Variants in CPEB4 observed in about 807,000 individuals in gnomAD.
CPEB4 encodes the protein cytoplasmic polyadenylation element binding protein 4.
Under a neutral mutation model 72.5 loss-of-function variants are expected in CPEB4, and 12 were observed. The ratio of observed to expected loss-of-function variants is 0.17; its 90% CI spans 0.11 to 0.27. The LOEUF (loss-of-function observed/expected upper bound fraction) is 0.27, where lower values mean the gene tolerates loss of function less well. CPEB4 is among the 10% of genes least tolerant of loss of function. The pLI is 1.00. For missense variants in CPEB4, 614 were observed against 908.5 expected (o/e 0.68, Z 4.17); for synonymous variants, 302 against 326.3 (o/e 0.93, Z 0.80).
chr5:173,915,125 A>T (rs1030155680), intron 2 of CPEB4, among the ~76,000 whole-genome samples: 1 of 152,200 alleles, frequency 6.6e-6, no homozygotes, highest in Non-Finnish European at 1.5e-5. Flanking sequence ...TAATGCGGTT[A>T]AAAAACTTTA....
At chr5:173,923,774 G>A (rs1757151057) in intron 2 of CPEB4, among the ~76,000 whole-genome samples, 1 of 151,678 alleles carries the variant, frequency 6.6e-6, no homozygotes, top group Admixed American at 6.6e-5. Flanking sequence ...GTTTTTTAGA[G>A]CTTAAAAAAT....
intron 1 of CPEB4, among the ~76,000 whole-genome samples, chr5:173,898,723 C>T (rs1054638819): frequency 7.5e-4 from 114 of 152,332 alleles, no homozygotes; most frequent in African/African-American, 2.6e-3. Flanking sequence ...GTTGCCCAGA[C>T]TAGAGTGCAG....
rs1334677458 is a variant in CPEB4, at chr5:173,950,405, G to A, written c.1665+327G>A. Among the ~76,000 whole-genome samples, 2 of 152,154 alleles carry A rather than the reference G, an allele frequency of 1.3e-5. No individual in the cohort carries two copies. Among genetic ancestry groups the A allele is most frequent in the African/African-American group, 4.8e-5 (2 of 41,426 alleles). Reference sequence around the variant, plus strand: ...GGATCACATGAGGTCAGGAGTTCGAGACCAGCCTGGCCAACATGGTGAAAT... The same window carrying A: ...GGATCACATGAGGTCAGGAGTTCGAAACCAGCCTGGCCAACATGGTGAAAT... On this transcript the variant is annotated intron_variant, in intron 7 of 9. Coordinates refer to ENST00000265085, the MANE Select transcript of CPEB4 (RefSeq NM_030627.4). This position sits in a 1 kb window ranked among gnomAD's most constrained non-coding sequence, Gnocchi z 5.0.
chr5:173,917,077 C>A (rs1187203246), intron 2 of CPEB4, among the ~76,000 whole-genome samples: 2 of 152,180 alleles, frequency 1.3e-5, no homozygotes, highest in African/African-American at 4.8e-5. Flanking sequence ...CAGATACTGA[C>A]TCTGTGCAGG....
intron 2 of CPEB4, among the ~76,000 whole-genome samples, chr5:173,924,624 A>G (rs1581139475): frequency 6.6e-6 from 1 of 152,280 alleles, no homozygotes; most frequent in Non-Finnish European, 1.5e-5. Context: ...CATTCTGCAA[A>G]CATTATCTCA....
At chr5:173,915,242 A>AT (rs913154738) in intron 2 of CPEB4, among the ~76,000 whole-genome samples, 4 of 151,420 alleles carry the variant, frequency 2.6e-5, no homozygotes, top group East Asian at 3.9e-4. Flanking sequence ...TGGAAAACTT[A>AT]TTTTTTTTTA....
At chr5:173,921,179 ATATTAAGATTTTTTTTTGTTTTTG>A (rs1757059707) in intron 2 of CPEB4, among the ~76,000 whole-genome samples, 1 of 152,150 alleles carries the variant, frequency 6.6e-6, no homozygotes, top group African/African-American at 2.4e-5. Flanking sequence ...TAGCCTTCTG[ATATTAAGATTTTTTTTTGTTTTTG>A]TTCTGTTTTA....
intron 2 of CPEB4, among the ~76,000 whole-genome samples, chr5:173,919,920 A>T (rs770792353): frequency 1.3e-5 from 2 of 152,158 alleles, no homozygotes; most frequent in African/African-American, 2.4e-5. Context: ...CATTACCATT[A>T]TCCTTACTAC....
rs1420495738 is a variant in CPEB4 at position 173,959,299 on chromosome 5, C to T, written c.*3162C>T. The T allele has an allele frequency of 6.5e-6, 1 of 152,726 alleles. No homozygotes were observed. The highest frequency in any genetic ancestry group is 2.4e-5 in the African/African-American group (1 of 41,424). The allele number at this position is 152,726 out of a possible 1,614,324, so 9.5% of individuals were successfully genotyped here. ...TGATTATTTTCTATGTAAAGGAACC[C>T]TCTCCTTTCCCCTTCTGGTCCCTGC... is the stretch of plus-strand genomic sequence containing the variant. On this transcript the variant is annotated 3_prime_UTR_variant, in exon 10 of 10. Coordinates refer to ENST00000265085, the MANE Select transcript of CPEB4 (RefSeq NM_030627.4).
At chr5:173,938,625 A>G (rs1757715554) in intron 3 of CPEB4, among the ~76,000 whole-genome samples, 1 of 152,090 alleles carries the variant, frequency 6.6e-6, no homozygotes, top group African/African-American at 2.4e-5. Context: ...TGGGGCAGAG[A>G]GAGGTGCACA....
rs566636717 is a variant in CPEB4 at position 173,907,095 on chromosome 5, C to A, written c.1126-3428C>A. 2.0e-4 allele frequency among the ~76,000 whole-genome samples: 31 copies of A among 152,250 alleles called. No homozygotes were observed. In the South Asian group the frequency reaches 3.1e-3, roughly 15 times the overall value. ...CATCCTGGCCAACATAGTGAAACCC[C>A]GTCTATACTAAAAATACAAAAATTA... On this transcript the variant is annotated intron_variant, in intron 1 of 9. Transcript: ENST00000265085.
intron 5 of CPEB4, among the ~76,000 whole-genome samples, chr5:173,945,983 T>C (rs906337651): frequency 3.3e-5 from 5 of 152,180 alleles, no homozygotes; most frequent in African/African-American, 1.2e-4. Context: ...TGAGTGAAAA[T>C]GGAAATACAC....
Position 173,904,808 on chromosome 5 carries a change from T to C in CPEB4, c.1126-5715T>C, listed in dbSNP as rs374211556. Among the ~76,000 whole-genome samples, 7 of 151,834 alleles carry C rather than the reference T, an allele frequency of 4.6e-5. No homozygotes were observed. The South Asian group carries it at 1.5e-3, about 32-fold the overall frequency. The stretch of plus-strand genomic sequence containing the variant: ...TTTCTTTAGTCTCAGTTTTTATTAT[T>C]AAAATAGGAGTAATAGGCTGGGTAC... On this transcript the variant is annotated intron_variant, in intron 1 of 9. Coordinates refer to ENST00000265085, the MANE Select transcript of CPEB4 (RefSeq NM_030627.4).
At chr5:173,934,659 C>T (rs1326915159) in intron 3 of CPEB4, among the ~76,000 whole-genome samples, 1 of 152,106 alleles carries the variant, frequency 6.6e-6, no homozygotes, top group Non-Finnish European at 1.5e-5. Context: ...CCAATTTATT[C>T]ATTTATAATG....
intron 1 of CPEB4, among the ~76,000 whole-genome samples, chr5:173,893,558 A>G (rs1191120464): frequency 6.6e-6 from 1 of 151,180 alleles, no homozygotes; most frequent in Non-Finnish European, 1.5e-5. Context: ...TTCTTCTGCA[A>G]TATTTCTCAC....
chr5:173,929,939 T>G (rs1757381269), intron 2 of CPEB4, among the ~76,000 whole-genome samples: 1 of 152,236 alleles, frequency 6.6e-6, no homozygotes, highest in African/African-American at 2.4e-5. Flanking sequence ...GTGATAGCTC[T>G]TATTCATTTA....
chr5:173,912,918 C>CAAAAAAA (rs397959791), intron 2 of CPEB4, among the ~76,000 whole-genome samples: 1 of 88,998 alleles, frequency 1.1e-5, no homozygotes. Context: ...GACCCTGTCT[C>CAAAAAAA]AAAAAAAAAA....
At chr5:173,906,078 A>G (rs1756425068) in intron 1 of CPEB4, among the ~76,000 whole-genome samples, 1 of 152,230 alleles carries the variant, frequency 6.6e-6, no homozygotes, top group Non-Finnish European at 1.5e-5. Flanking sequence ...TCTATTTTAC[A>G]GTTAATCTTT....
In CPEB4 at chr5:173,961,124, T is replaced by C. The variant is rs1758537501; in HGVS notation, c.*4987T>C. 1 of 152,208 alleles carries C rather than the reference T, an allele frequency of 6.6e-6. No individual in the cohort carries two copies. Among genetic ancestry groups the C allele is most frequent in the African/African-American group, 2.4e-5 (1 of 41,438 alleles). 9.4% of individuals were successfully genotyped at this position (152,208 alleles called of 1,614,324 possible). A position where few individuals can be genotyped will look rare whatever the true frequency, so the allele number is the denominator to read the frequency against. On this transcript the variant is annotated 3_prime_UTR_variant, in exon 10 of 10. Coordinates refer to ENST00000265085, the MANE Select transcript of CPEB4 (RefSeq NM_030627.4). ...AGTTGTCTTTCCCAACAGGCAGCTC[T>C]TCTAACTATAGAGATTACTGAGGGT...
Sources: allele counts gnomAD v4.1 joint callset (sites outside exome capture counted in the v4.1 genomes callset), GRCh38; gene constraint gnomAD v4.1.1; non-coding constraint Gnocchi (gnomAD v3.1); transcripts MANE v1.5; gene names NCBI Gene and HGNC (gene_info 2026-07-23, HGNC 2026-07-21).